Variants in CFAP20DC observed in about 807,000 individuals in gnomAD.
CFAP20DC encodes protein CFAP20DC.
Under a neutral mutation model 101.7 loss-of-function variants are expected in CFAP20DC, and 84 were observed. The ratio of observed to expected loss-of-function variants is 0.83; its 90% CI spans 0.69 to 0.99. The LOEUF is 0.99. Among genes scored for constraint, CFAP20DC ranks in the 50% least tolerant of loss-of-function variants. The pLI, the probability that CFAP20DC is intolerant of heterozygous loss-of-function variation, is 0.00. For missense variants in CFAP20DC, 1,007 were observed against 970.3 expected (o/e 1.04, Z -0.50); for synonymous variants, 359 against 351.2 (o/e 1.02, Z -0.25).
chr3:58,853,205 C>A (rs1177826496), intron 12 of CFAP20DC, among the ~76,000 whole-genome samples: 6 of 152,180 alleles, frequency 3.9e-5, no homozygotes, highest in South Asian at 4.1e-4. Context: ...ACTACAAACA[C>A]CTCTACGCAA....
intron 14 of CFAP20DC, among the ~76,000 whole-genome samples, chr3:58,817,388 T>A: frequency 1.3e-5 from 2 of 150,298 alleles, no homozygotes. Flanking sequence ...GTTGAAAACT[T>A]CGAAAAAAAT....
In CFAP20DC at chr3:58,831,895, CAA is replaced by C. The variant is rs758279711; in HGVS notation, c.1972-8_1972-7del. The C allele has an allele frequency of 1.5e-5, 24 of 1,612,520 alleles. No homozygotes were observed. Among genetic ancestry groups the C allele is most frequent in the African/African-American group, 1.3e-4 (10 of 74,866 alleles). ...TAGTTTCGCCAGTCATATTCCTGAC[CAA>C]GAGAGAGGAAAATAACAAAGGGTCA... On this transcript the variant is annotated splice_polypyrimidine_tract_variant and splice_region_variant and intron_variant, in intron 13 of 16. Coordinates refer to ENST00000482387, the MANE Select transcript of CFAP20DC (RefSeq NM_001394063.1).
Position 59,002,992 on chromosome 3 carries a change from T to C in CFAP20DC, c.278+36565A>G, listed in dbSNP as rs774385653. Among the ~76,000 whole-genome samples, 3 of 152,186 alleles carry C rather than the reference T, an allele frequency of 2.0e-5. No individual in the cohort carries two copies. Among genetic ancestry groups the C allele is most frequent in the Non-Finnish European group, 4.4e-5 (3 of 68,032 alleles). On this transcript the variant is annotated intron_variant, in intron 4 of 16. Coordinates refer to ENST00000482387, the MANE Select transcript of CFAP20DC (RefSeq NM_001394063.1). This position sits in a 1 kb window ranked among gnomAD's most constrained non-coding sequence, Gnocchi z 4.5. ...ATTTCTGACTGAATATCCAATGTTC[T>C]TCCCTACAGTTATATGATGAATCTA...
At chr3:58,986,130 G>A (rs567225984) in intron 4 of CFAP20DC, among the ~76,000 whole-genome samples, 40 of 152,244 alleles carry the variant, frequency 2.6e-4, no homozygotes, top group African/African-American at 8.9e-4. Flanking sequence ...CATAGTCTGC[G>A]AAAATATAAG....
intron 4 of CFAP20DC, among the ~76,000 whole-genome samples, chr3:59,029,063 G>A (rs1282134297): frequency 6.6e-6 from 1 of 152,108 alleles, no homozygotes; most frequent in East Asian, 1.9e-4. Context: ...CATTCATCAA[G>A]ATATATTTAG....
rs1023881068 is a variant in CFAP20DC at position 58,986,583 on chromosome 3, G to A, written c.279-48821C>T. On this transcript the variant is annotated intron_variant, in intron 4 of 16. Coordinates refer to ENST00000482387, the MANE Select transcript of CFAP20DC (RefSeq NM_001394063.1). ...CTTGTCTCTGTCCAGGCTTTGGGTT[G>A]GGTTGAGTAAAAAGTCGACTGTGAG... Among the ~76,000 whole-genome samples, 6 of 152,086 alleles carry A rather than the reference G, an allele frequency of 3.9e-5. No individual in the cohort carries two copies. In the South Asian group the frequency reaches 6.2e-4, roughly 16 times the overall value.
intron 4 of CFAP20DC, among the ~76,000 whole-genome samples, chr3:58,980,075 A>G (rs1222588954): frequency 6.6e-6 from 1 of 152,160 alleles, no homozygotes; most frequent in African/African-American, 2.4e-5. Context: ...CCACTGCCAT[A>G]GTTGAAAGCC....
chr3:58,969,927 A>G (rs2091852173), intron 4 of CFAP20DC, among the ~76,000 whole-genome samples: 1 of 152,166 alleles, frequency 6.6e-6, no homozygotes, highest in African/African-American at 2.4e-5. Context: ...AAAACATTCA[A>G]AAATTACATA....
At position 58,728,581 on chromosome 3, in the gene CFAP20DC, C is replaced by T. The variant is rs1434865639; in HGVS notation, c.198-10953G>A. Reference sequence around the variant, plus strand: ...GATTGGGTCAGTTGATTATTCTGTGCTGAGCTAGCACAGAATTAAGTCAGT... The same window carrying T: ...GATTGGGTCAGTTGATTATTCTGTGTTGAGCTAGCACAGAATTAAGTCAGT... On this transcript the variant is annotated intron_variant, in intron 3 of 3. Coordinates refer to the CFAP20DC transcript ENST00000486145. The surrounding 1 kb of genome is among the most constrained non-coding windows in gnomAD (Gnocchi z 4.7). 6.6e-6 allele frequency among the ~76,000 whole-genome samples: 1 copy of T among 152,166 alleles called. No individual in the cohort carries two copies. The highest frequency in any genetic ancestry group is 1.5e-5 in the Non-Finnish European group (1 of 68,022).
chr3:58,805,183 A>C (rs897204684), intron 15 of CFAP20DC, among the ~76,000 whole-genome samples: 2 of 152,224 alleles, frequency 1.3e-5, no homozygotes, highest in Non-Finnish European at 2.9e-5. Flanking sequence ...GTAGTCTGTT[A>C]GCCTCTACAT....
rs868846119 is a variant in CFAP20DC at position 58,748,055 on chromosome 3, T to C, written c.2333-5483A>G. ...ATATTTTACTTGGAAAATGCCATTT[T>C]AGGGAACATGTTGAAGAACTTGGAT... On this transcript the variant is annotated intron_variant, in intron 16 of 16. Coordinates refer to ENST00000482387, the MANE Select transcript of CFAP20DC (RefSeq NM_001394063.1). Among the ~76,000 whole-genome samples the C allele has an allele frequency of 2.1e-4, 32 of 152,350 alleles. No homozygotes were observed. The Middle Eastern group carries it at 0.01, about 49-fold the overall frequency.
At chr3:58,845,160 A>C (rs945655890) in intron 13 of CFAP20DC, among the ~76,000 whole-genome samples, 1 of 151,332 alleles carries the variant, frequency 6.6e-6, no homozygotes, top group African/African-American at 2.4e-5. Flanking sequence ...AATAACTAAA[A>C]TCAGAGCAGA....
In CFAP20DC at chr3:58,852,269, G is replaced by C. The variant is rs967012603; in HGVS notation, c.1594-2860C>G. Among the ~76,000 whole-genome samples, 3 of 151,992 alleles carry C rather than the reference G, an allele frequency of 2.0e-5. No individual in the cohort carries two copies. In the South Asian group the frequency reaches 6.3e-4, roughly 32 times the overall value. ...TTGAAAGCTCTGCTCTTGTCTGCAG[G>C]TGATAGTTAGAAGAGCTAACTATCC... On this transcript the variant is annotated intron_variant, in intron 12 of 16. Coordinates refer to ENST00000482387, the MANE Select transcript of CFAP20DC (RefSeq NM_001394063.1).
Position 58,937,858 on chromosome 3 carries a change from C to T in CFAP20DC, c.279-96G>A, listed in dbSNP as rs1031541548. 3.2e-5 allele frequency: 22 copies of T among 698,014 alleles called. No individual in the cohort carries two copies. The East Asian group carries it at 6.0e-4, about 19-fold the overall frequency. The allele number at this position is 698,014 out of a possible 1,614,324, so 43.2% of individuals were successfully genotyped here. On this transcript the variant is annotated intron_variant, in intron 4 of 16. Coordinates refer to ENST00000482387, the MANE Select transcript of CFAP20DC (RefSeq NM_001394063.1). ...AAAATGATATAATTTATCATACAGA[C>T]CCTTTTCAACAGGAAGATCAAACAC...
chr3:58,775,071 C>T (rs927413951), intron 15 of CFAP20DC, among the ~76,000 whole-genome samples: 8 of 152,152 alleles, frequency 5.3e-5, no homozygotes, highest in South Asian at 2.1e-4. Context: ...CATGACGCAG[C>T]CTCAGGAAGT....
In CFAP20DC at chr3:58,788,929, A is replaced by G. The variant is rs1422829791; in HGVS notation, c.2237+17466T>C. On this transcript the variant is annotated intron_variant, in intron 15 of 16. Transcript: ENST00000482387. The surrounding 1 kb of genome is among the most constrained non-coding windows in gnomAD (Gnocchi z 4.2). ...CAAGTTGGCCATGCAGAACCCACAT[A>G]TATGAAAAATGGGTTGGAAAAAATC... Among the ~76,000 whole-genome samples the G allele has an allele frequency of 6.6e-6, 1 of 152,154 alleles. No homozygotes were observed. Among genetic ancestry groups the G allele is most frequent in the African/African-American group, 2.4e-5 (1 of 41,438 alleles).
In CFAP20DC at chr3:58,913,727, T is replaced by C; in HGVS notation, c.531A>G (p.Gln177=). 6.2e-7 allele frequency: 1 copy of C among 1,613,730 alleles called. No homozygotes were observed. Among genetic ancestry groups the C allele is most frequent in the Non-Finnish European group, 8.5e-7 (1 of 1,179,788 alleles). ...ACATACCATCCTTATCAGCAGTGTC[T>C]TGTGGCTTTGATTTTAAGGTGAAGA... ...RKIFTLKSKP[Q]DTADKDAVYG... The change falls in exon 6 of 17, where the codon CAA becomes CAG. Residue 177 remains glutamine (Q), a synonymous_variant. Coordinates refer to ENST00000482387, the MANE Select transcript of CFAP20DC (RefSeq NM_001394063.1). This position sits in a 1 kb window ranked among gnomAD's most constrained non-coding sequence, Gnocchi z 4.4.
At position 58,863,156 on chromosome 3, in the gene CFAP20DC, G is replaced by A. The variant is rs909325271; in HGVS notation, c.1593+402C>T. 2.6e-5 allele frequency: 28 copies of A among 1,081,036 alleles called. No homozygotes were observed. The highest frequency in any genetic ancestry group is 2.6e-5 in the Non-Finnish European group (23 of 893,328). The allele number at this position is 1,081,036 out of a possible 1,614,324, so 67.0% of individuals were successfully genotyped here. Reference sequence around the variant, plus strand: ...GAAAAGATGGCAGGGGAGTAAGGAAGCCAGAAAACCATCAATTTAGAATGC... The same window carrying A: ...GAAAAGATGGCAGGGGAGTAAGGAAACCAGAAAACCATCAATTTAGAATGC... On this transcript the variant is annotated intron_variant, in intron 12 of 16. Transcript: ENST00000482387. The surrounding 1 kb of genome is among the most constrained non-coding windows in gnomAD (Gnocchi z 5.9).
intron 15 of CFAP20DC, among the ~76,000 whole-genome samples, chr3:58,776,566 A>C (rs879607652): frequency 1.3e-5 from 2 of 151,194 alleles, no homozygotes; most frequent in East Asian, 3.9e-4. Flanking sequence ...ACTTCTTTCA[A>C]AATTTACTGT....
Sources: allele counts gnomAD v4.1 joint callset (sites outside exome capture counted in the v4.1 genomes callset), GRCh38; gene constraint gnomAD v4.1.1; non-coding constraint Gnocchi (gnomAD v3.1); transcripts MANE v1.5; gene names NCBI Gene and HGNC (gene_info 2026-07-23, HGNC 2026-07-21).